Variants in ARHGAP21 observed in about 807,000 individuals in gnomAD.
ARHGAP21 encodes the protein rho GTPase-activating protein 21.
In ARHGAP21, 38 loss-of-function variants were observed where a neutral mutation model predicts 164.6. That is an observed-to-expected ratio of 0.23 (90% CI 0.18 to 0.30). The LOEUF is 0.30. Among genes scored for constraint, ARHGAP21 ranks in the 10% least tolerant of loss-of-function variants. The probability of loss-of-function intolerance (pLI) is 1.00; values close to 1 mark genes in which losing one functional copy is unlikely to be tolerated. For missense variants in ARHGAP21, 1,822 were observed against 2,370.7 expected (o/e 0.77, Z 4.81); for synonymous variants, 766 against 857.9 (o/e 0.89, Z 1.87).
chr10:24,692,940 A>G (rs1407479242), intron 2 of ARHGAP21, among the ~76,000 whole-genome samples: 2 of 152,238 alleles, frequency 1.3e-5, no homozygotes, highest in Non-Finnish European at 2.9e-5. Flanking sequence ...AGCTAATGCA[A>G]CAACATGGAT....
intron 25 of ARHGAP21, among the ~76,000 whole-genome samples, chr10:24,588,352 GTAAAGGATTTGGGTGC>G (rs1413180602): frequency 6.6e-6 from 1 of 151,140 alleles, no homozygotes; most frequent in Non-Finnish European, 1.5e-5. Flanking sequence ...TGAATCTAGG[GTAAAGGATTTGGGTGC>G]TATTATTTTA....
At chr10:24,682,416 C>T (rs1841856403) in intron 2 of ARHGAP21, among the ~76,000 whole-genome samples, 2 of 152,190 alleles carry the variant, frequency 1.3e-5, no homozygotes, top group South Asian at 2.1e-4. Flanking sequence ...TGTTTTTCAA[C>T]ATTTAAATAT....
At chr10:24,594,329 C>A (rs552018432) in intron 21 of ARHGAP21, among the ~76,000 whole-genome samples, 2 of 152,124 alleles carry the variant, frequency 1.3e-5, no homozygotes, top group East Asian at 1.9e-4. Context: ...AATAACCCTA[C>A]AAAGACACTT....
intron 9 of ARHGAP21, among the ~76,000 whole-genome samples, chr10:24,611,810 C>A (rs1264845626): frequency 6.6e-6 from 1 of 152,192 alleles, no homozygotes; most frequent in African/African-American, 2.4e-5. Context: ...AGGTCTACCA[C>A]AGAAGTTCTT....
intron 2 of ARHGAP21, among the ~76,000 whole-genome samples, chr10:24,695,050 C>CAAAAAAAAA (rs570457905): frequency 1.1e-4 from 9 of 78,502 alleles, no homozygotes; most frequent in East Asian, 5.0e-4. Flanking sequence ...AATTCCATCT[C>CAAAAAAAAA]AAAAAAAAAA....
intron 2 of ARHGAP21, among the ~76,000 whole-genome samples, chr10:24,683,012 C>T (rs1207109925): frequency 1.3e-5 from 2 of 149,394 alleles, no homozygotes; most frequent in East Asian, 2.0e-4. Flanking sequence ...AGGAGAATGG[C>T]GTGAACCCGG....
At chr10:24,650,315 G>T (rs1207144599) in intron 4 of ARHGAP21, among the ~76,000 whole-genome samples, 1 of 152,122 alleles carries the variant, frequency 6.6e-6, no homozygotes, top group East Asian at 1.9e-4. Flanking sequence ...GAGGCCAGGA[G>T]TTCAAGATCA....
chr10:24,656,403 CT>C, intron 4 of ARHGAP21, among the ~76,000 whole-genome samples: 1 of 101,204 alleles, frequency 9.9e-6, no homozygotes, highest in Non-Finnish European at 2.1e-5. Flanking sequence ...GGGGTCAGCC[CT>C]CCGCCCGGCC....
intron 2 of ARHGAP21, among the ~76,000 whole-genome samples, chr10:24,701,588 G>A (rs1041750868): frequency 2.6e-5 from 4 of 152,166 alleles, no homozygotes; most frequent in African/African-American, 7.2e-5. Context: ...AAGTGGGAAC[G>A]GTGAGTGCAA....
rs142444085 is a variant in ARHGAP21, at chr10:24,660,786, A to C, written c.268+6199T>G. On this transcript the variant is annotated intron_variant, in intron 4 of 25. Transcript: ENST00000396432. ...TAGCCTAAAATCCTCCTCTCTGAAT[A>C]TTTCCTTTTATTAATGGTGCAGCGA... 8.5e-5 allele frequency among the ~76,000 whole-genome samples: 13 copies of C among 152,250 alleles called. No individual in the cohort carries two copies. The East Asian group carries it at 2.5e-3, about 29-fold the overall frequency.
At chr10:24,600,532 T>A in intron 14 of ARHGAP21, 114 bp downstream of exon 14, 1 of 1,306,314 alleles carries the variant, frequency 7.7e-7, no homozygotes, top group Admixed American at 2.6e-5. Context: ...CTGTTTTACA[T>A]GAAAATAGCA....
chr10:24,718,168 G>T (rs868624529), intron 2 of ARHGAP21, among the ~76,000 whole-genome samples: 15 of 152,196 alleles, frequency 9.9e-5, no homozygotes, highest in African/African-American at 2.9e-4. Flanking sequence ...TGACGAGACG[G>T]AAGAGTGAGA....
chr10:24,584,960 C>T lies in ARHGAP21; in HGVS notation c.5329G>A (p.Ala1777Thr). The change falls in exon 26 of 26, where the codon GCG (alanine) becomes ACG (threonine). Residue 1777 changes from alanine (A) to threonine (T), a missense_variant. Coordinates refer to ENST00000396432, the MANE Select transcript of ARHGAP21 (RefSeq NM_020824.4). ...DRLKLRPRAP[A>T]DDMFGVGNHK... is the part of the protein sequence containing the mutation. ...TTCCCTACTCCAAACATGTCATCCG[C>T]AGGGGCTCTGGGTCTCAGTTTTAAC... 4.3e-6 allele frequency: 7 copies of T among 1,613,950 alleles called. No individual in the cohort carries two copies. The highest frequency in any genetic ancestry group is 5.9e-6 in the Non-Finnish European group (7 of 1,179,868).
At chr10:24,719,132 C>CA (rs1845686912) in intron 2 of ARHGAP21, among the ~76,000 whole-genome samples, 1 of 150,490 alleles carries the variant, frequency 6.6e-6, no homozygotes, top group African/African-American at 2.4e-5. Flanking sequence ...CACACACACC[C>CA]CAAAAATCAC....
intron 4 of ARHGAP21, chr10:24,640,328 G>T (rs1342507086): frequency 6.6e-6 from 1 of 151,070 alleles, no homozygotes; most frequent in Admixed American, 6.6e-5. Context: ...GAAAATAATG[G>T]TTATAACTGA....
In ARHGAP21 at chr10:24,585,103, G is replaced by A. The variant is rs776145004; in HGVS notation, c.5186C>T (p.Ser1729Leu). ...CATAACATCAAACACTTTAGTTAAC[G>A]AAGGTGCTTCTTTCTCATTCTTGGC... Reference protein sequence around the residue: ...GDAKNEKEAPSLTKVFDVMKK... With the variant: ...GDAKNEKEAPLLTKVFDVMKK... Residue 1729 changes from serine (S) to leucine (L), a missense_variant, in exon 26 of 26, where the codon TCG becomes TTG. Ser to Leu is a moderately radical substitution (Grantham distance 145). Around this residue, in one of 5 missense-constraint regions of ARHGAP21, gnomAD observed 117 missense variants for 193.2 expected, o/e 0.61. Transcript: ENST00000396432. The A allele has an allele frequency of 1.7e-5, 27 of 1,613,400 alleles. No individual in the cohort carries two copies. Among genetic ancestry groups the A allele is most frequent in the Non-Finnish European group, 2.0e-5 (24 of 1,179,828 alleles).
intron 24 of ARHGAP21, chr10:24,589,610 A>G (rs1348713863): frequency 3.3e-6 from 1 of 307,090 alleles, no homozygotes; most frequent in East Asian, 8.2e-5. Flanking sequence ...ATCTAGCAAT[A>G]AAGAAGCTTC....
chr10:24,659,129 A>T (rs1190397992), intron 4 of ARHGAP21, among the ~76,000 whole-genome samples: 1 of 152,202 alleles, frequency 6.6e-6, no homozygotes, highest in African/African-American at 2.4e-5. Flanking sequence ...ACGGTTTGGC[A>T]GTTCCTCAAA....
intron 7 of ARHGAP21, among the ~76,000 whole-genome samples, chr10:24,623,044 ATATGC>A (rs1336710590): frequency 1.3e-5 from 2 of 152,182 alleles, no homozygotes; most frequent in African/African-American, 4.8e-5. Context: ...ATTTTCTTCA[ATATGC>A]ACTGCTGTCT....
Sources: allele counts gnomAD v4.1 joint callset (sites outside exome capture counted in the v4.1 genomes callset), GRCh38; gene constraint gnomAD v4.1.1; regional missense constraint gnomAD v4.1.1; transcripts MANE v1.5; gene names NCBI Gene and HGNC (gene_info 2026-07-23, HGNC 2026-07-21).